The following CHRM5 variants were observed in gnomAD, a reference collection of about 807,000 sequenced individuals.
CHRM5 encodes the protein muscarinic acetylcholine receptor M5.
In CHRM5, 18 loss-of-function variants were observed where a neutral mutation model predicts 39.0. That is an observed-to-expected ratio of 0.46 (90% CI 0.32 to 0.68). CHRM5 has a LOEUF of 0.68. CHRM5 is among the 30% of genes least tolerant of loss of function. The pLI is 0.04. For missense variants in CHRM5, 515 were observed against 651.1 expected (o/e 0.79, Z 2.28); for synonymous variants, 241 against 246.3 (o/e 0.98, Z 0.20).
At chr15:34,001,576 C>T (rs955560895) in intron 1 of CHRM5, among the ~76,000 whole-genome samples, 7 of 152,034 alleles carry the variant, frequency 4.6e-5, no homozygotes, top group Non-Finnish European at 8.8e-5. Context: ...CATAATTGGC[C>T]AAAATATAGG....
Position 33,969,025 on chromosome 15 carries a change from A to G in CHRM5, c.-533A>G, listed in dbSNP as rs1895515011. The stretch of plus-strand genomic sequence containing the variant: ...TTATCAGGAATACAGATATAAAGAC[A>G]CTGCAAGAAATAAAACACTGGCAAA... On this transcript the variant is annotated 5_prime_UTR_variant, in exon 1 of 3. Transcript: ENST00000383263. 6.6e-6 allele frequency: 1 copy of G among 152,092 alleles called. No homozygotes were observed. Among genetic ancestry groups the G allele is most frequent in the Non-Finnish European group, 1.5e-5 (1 of 67,950 alleles). The allele number at this position is 152,092 out of a possible 1,614,324, so 9.4% of individuals were successfully genotyped here. A position where few individuals can be genotyped will look rare whatever the true frequency, so the allele number is the denominator to read the frequency against.
At chr15:34,023,725 T>A (rs1218779925) in intron 1 of CHRM5, among the ~76,000 whole-genome samples, 4 of 152,138 alleles carry the variant, frequency 2.6e-5, no homozygotes, top group Admixed American at 6.6e-5. Flanking sequence ...AAAGGCCAGG[T>A]GAGCAGTTAA....
intron 1 of CHRM5, among the ~76,000 whole-genome samples, chr15:34,003,899 A>G (rs1225662060): frequency 3.9e-5 from 6 of 152,234 alleles, no homozygotes; most frequent in Admixed American, 3.3e-4. Context: ...GTGATTAATG[A>G]ACATTCTGAT....
Position 34,064,055 on chromosome 15 carries a change from C to T in CHRM5, c.1338C>T (p.Ala446=). The change falls in exon 3 of 3, where the codon GCC becomes GCT. Residue 446 remains alanine, a synonymous_variant. Coordinates refer to ENST00000383263, the MANE Select transcript of CHRM5 (RefSeq NM_012125.4). ...GGAAAGCAGCCCAGACACTGAGTGC[C>T]ATTCTCCTGGCCTTCATCATCACAT... ...KERKAAQTLS[A]ILLAFIITWT... 1 of 1,614,200 alleles carries T rather than the reference C, an allele frequency of 6.2e-7. No individual in the cohort carries two copies. The highest frequency in any genetic ancestry group is 8.5e-7 in the Non-Finnish European group (1 of 1,180,028).
At chr15:34,019,449 T>C (rs920925130) in intron 1 of CHRM5, among the ~76,000 whole-genome samples, 3 of 152,206 alleles carry the variant, frequency 2.0e-5, no homozygotes, top group African/African-American at 7.2e-5. Flanking sequence ...AAAAAAAGCA[T>C]AAGTTTAGTG....
chr15:34,045,386 A>T, intron 1 of CHRM5, among the ~76,000 whole-genome samples: 1 of 152,204 alleles, frequency 6.6e-6, no homozygotes, highest in East Asian at 1.9e-4. Context: ...AAGGAGTTAG[A>T]TATATCTTAC....
intron 1 of CHRM5, among the ~76,000 whole-genome samples, chr15:34,022,549 G>GA (rs1375939587): frequency 6.6e-6 from 1 of 152,196 alleles, no homozygotes; most frequent in Non-Finnish European, 1.5e-5. Context: ...TACGCAGCAG[G>GA]AAGGGTACAC....
intron 1 of CHRM5, among the ~76,000 whole-genome samples, chr15:34,027,595 G>A (rs1898548218): frequency 6.6e-6 from 1 of 151,302 alleles, no homozygotes; most frequent in African/African-American, 2.4e-5. Flanking sequence ...CAGCATCCTT[G>A]GATCCACTAA....
chr15:34,054,127 G>C (rs540583486), intron 2 of CHRM5, among the ~76,000 whole-genome samples: 2 of 152,250 alleles, frequency 1.3e-5, no homozygotes, highest in African/African-American at 2.4e-5. Flanking sequence ...AACACAATGA[G>C]ATCCCATCTC....
Position 33,997,822 on chromosome 15 carries a change from C to T in CHRM5, c.-408+28672C>T, listed in dbSNP as rs139719163. On this transcript the variant is annotated intron_variant, in intron 1 of 2. Transcript: ENST00000383263. The stretch of plus-strand genomic sequence containing the variant: ...CATGATTAAGTCCTACCCTTCCGTC[C>T]GGTCTTTCTGGGCCTGCACCCATAC... Among the ~76,000 whole-genome samples, 911 of 152,260 alleles carry T rather than the reference C, an allele frequency of 6.0e-3. 12 individuals carry two copies. In the South Asian group the frequency reaches 0.063, roughly 11 times the overall value.
In CHRM5 at chr15:34,064,511, C is replaced by T. The variant is rs1900459903; in HGVS notation, c.*195C>T. ...CAGCAATTGCTGACATATTAAATGA[C>T]TCTTGCCTATGACCAAGGCCATTTG... is the stretch of plus-strand genomic sequence containing the variant. On this transcript the variant is annotated 3_prime_UTR_variant, in exon 3 of 3. Transcript: ENST00000383263. The T allele has an allele frequency of 3.0e-6, 2 of 672,640 alleles. No individual in the cohort carries two copies. The highest frequency in any genetic ancestry group is 3.6e-5 in the African/African-American group (2 of 55,004). 41.7% of individuals were successfully genotyped at this position (672,640 alleles called of 1,614,324 possible). A position where few individuals can be genotyped will look rare whatever the true frequency, so the allele number is the denominator to read the frequency against.
intron 1 of CHRM5, among the ~76,000 whole-genome samples, chr15:33,997,700 C>G (rs1032578996): frequency 2.6e-5 from 4 of 152,222 alleles, no homozygotes; most frequent in African/African-American, 9.6e-5. Context: ...CTCATATCTT[C>G]ACTTATTTCC....
intron 1 of CHRM5, chr15:34,038,891 G>GCCCCGGCGTCCGCCTCCGT (rs1899311023): frequency 4.4e-6 from 5 of 1,135,794 alleles, no homozygotes; most frequent in Non-Finnish European, 5.4e-6. Flanking sequence ...CACGGCCACG[G>GCCCCGGCGTCCGCCTCCGT]CCCCGGCGTC....
intron 1 of CHRM5, among the ~76,000 whole-genome samples, chr15:33,998,565 T>C (rs1488412169): frequency 6.6e-6 from 1 of 152,236 alleles, no homozygotes; most frequent in Non-Finnish European, 1.5e-5. Flanking sequence ...AATTAAGTCA[T>C]TTATACCTGC....
rs531727980 is a variant in CHRM5 at position 34,049,592 on chromosome 15, C to T, written c.-76+2721C>T. On this transcript the variant is annotated intron_variant, in intron 2 of 2. Transcript: ENST00000383263. ...CTGAAAGAGACAGGGAGAATGGAAC[C>T]GAGTTGGAAAACATACTTCAGGATA... Among the ~76,000 whole-genome samples, 4 of 152,140 alleles carry T rather than the reference C, an allele frequency of 2.6e-5. No homozygotes were observed. The East Asian group carries it at 5.8e-4, about 22-fold the overall frequency.
chr15:33,986,970 A>C (rs1257991942), intron 1 of CHRM5, among the ~76,000 whole-genome samples: 1 of 152,210 alleles, frequency 6.6e-6, no homozygotes, highest in Admixed American at 6.5e-5. Context: ...GTTCTTTTCA[A>C]GTGCTAAATA....
intron 1 of CHRM5, among the ~76,000 whole-genome samples, chr15:33,986,846 A>G (rs943710215): frequency 7.2e-5 from 11 of 151,916 alleles, no homozygotes; most frequent in African/African-American, 2.7e-4. Context: ...TTTAGTAGAG[A>G]TGGGGTTTCA....
chr15:33,969,851 A>C (rs1167829873), intron 1 of CHRM5, among the ~76,000 whole-genome samples: 1 of 152,110 alleles, frequency 6.6e-6, no homozygotes, highest in Non-Finnish European at 1.5e-5. Flanking sequence ...TGTAAAATGC[A>C]AAGCACTAGT....
chr15:33,999,586 C>G (rs1897060860), intron 1 of CHRM5, among the ~76,000 whole-genome samples: 1 of 152,132 alleles, frequency 6.6e-6, no homozygotes, highest in Non-Finnish European at 1.5e-5. Context: ...GTCATCCTTA[C>G]GTATCTTTTT....
Sources: gnomAD v4.1 joint callset for allele counts (sites outside exome capture counted in the v4.1 genomes callset) on GRCh38, gnomAD v4.1.1 for gene constraint, MANE v1.5 for transcripts, NCBI Gene and HGNC (gene_info 2026-07-23, HGNC 2026-07-21) for gene names.